The following USHBP1 variants were observed in gnomAD, a reference collection of about 807,000 sequenced individuals.
The protein encoded by USHBP1 is USH1 protein network component harmonin binding protein 1, also known as harmonin-binding protein USHBP1.
USHBP1 carries 67 observed loss-of-function variants against 76.2 expected under a neutral mutation model. That is an observed-to-expected ratio of 0.88 (90% CI 0.72 to 1.08). The LOEUF is 1.08. Among genes scored for constraint, USHBP1 ranks in the 50% least tolerant of loss-of-function variants. The probability of loss-of-function intolerance (pLI) is 0.00; values close to 1 mark genes in which losing one functional copy is unlikely to be tolerated. For synonymous variants in USHBP1, 322 were observed against 362.2 expected (o/e 0.89, Z 1.26); for missense variants, 931 against 915.0 (o/e 1.02, Z -0.23).
chr19:17,259,539 T>A, intron 6 of USHBP1, 57 bp downstream of exon 6: 2 of 1,603,260 alleles, frequency 1.2e-6, no homozygotes, highest in Non-Finnish European at 1.7e-6. Flanking sequence ...CCTGGCTTTA[T>A]AACTCAGTTG....
intron 10 of USHBP1, among the ~76,000 whole-genome samples, chr19:17,252,721 G>A (rs1172806608): frequency 1.3e-5 from 2 of 150,382 alleles, no homozygotes; most frequent in Non-Finnish European, 1.5e-5. Flanking sequence ...AGTAAGATAC[G>A]GTCTCAAAAA....
intron 8 of USHBP1, among the ~76,000 whole-genome samples, chr19:17,257,234 T>C (rs1056196689): frequency 2.7e-5 from 4 of 145,978 alleles, no homozygotes; most frequent in African/African-American, 1.0e-4. Context: ...GGTTTCACCG[T>C]GTTAGCCAGG....
chr19:17,263,955 A>C (rs762381007), intron 3 of USHBP1, 47 bp downstream of exon 3: 140 of 1,479,958 alleles, frequency 9.5e-5, no homozygotes, highest in Non-Finnish European at 1.2e-4. Context: ...TGGATGGCAA[A>C]GATGCGTCTG....
Position 17,251,392 on chromosome 19 carries a change from G to A in USHBP1, c.1922+190C>T, listed in dbSNP as rs1217387226. Among the ~76,000 whole-genome samples, 3 of 152,146 alleles carry A rather than the reference G, an allele frequency of 2.0e-5. No individual in the cohort carries two copies. In the East Asian group the frequency reaches 5.8e-4, roughly 29 times the overall value. On this transcript the variant is annotated intron_variant, in intron 12 of 12. Transcript: ENST00000252597. ...TTGGCCAGGCTGGTCTCAAACTCCT[G>A]ACCTCAAGTGATCTGCTGGCCTCAG...
In USHBP1 at chr19:17,251,614, G is replaced by T. The variant is rs115398865; in HGVS notation, c.1890C>A (p.Ala630=). Residue 630 remains alanine (A), a synonymous_variant, in exon 12 of 13, where the codon GCC becomes GCA. Transcript: ENST00000252597. ...CTTTGCATAAATCCCTGTTCAGCTC[G>T]GCACTCTGAGACCGTCTGGCTCGCC... ...QKGRARRSQS[A]ELNRDLCKAH... 1 of 1,613,970 alleles carries T rather than the reference G, an allele frequency of 6.2e-7. No homozygotes were observed. Among genetic ancestry groups the T allele is most frequent in the East Asian group, 2.2e-5 (1 of 44,872 alleles).
At position 17,250,339 on chromosome 19, in the gene USHBP1, T is replaced by G. The variant is rs761379243; in HGVS notation, c.1998A>C (p.Ala666=). ...EQRRKLEQQM[A]LMEAQQAEEV... Reference sequence around the variant, plus strand: ...CCTCGGCCTGCTGAGCCTCCATGAGTGCCATCTGCTGCTCCAACTTCCGGC... The same window carrying G: ...CCTCGGCCTGCTGAGCCTCCATGAGGGCCATCTGCTGCTCCAACTTCCGGC... The change falls in exon 13 of 13, where the codon GCA becomes GCC. Residue 666 remains alanine, a synonymous_variant. Coordinates refer to ENST00000252597, the MANE Select transcript of USHBP1 (RefSeq NM_031941.4). The G allele has an allele frequency of 6.2e-7, 1 of 1,613,692 alleles. No individual in the cohort carries two copies. The highest frequency in any genetic ancestry group is 8.5e-7 in the Non-Finnish European group (1 of 1,179,930).
intron 12 of USHBP1, 118 bp downstream of exon 12, chr19:17,251,464 G>A (rs547091860): frequency 1.8e-5 from 25 of 1,398,628 alleles, no homozygotes; most frequent in South Asian, 8.6e-5. Flanking sequence ...ACACCTGACC[G>A]TTACTGCCTA....
intron 11 of USHBP1, 60 bp downstream of exon 11, chr19:17,251,850 CG>C (rs34821183): frequency 3.3e-6 from 5 of 1,515,478 alleles, no homozygotes; most frequent in Non-Finnish European, 1.8e-6. Context: ...ACGACACCCC[CG>C]GGGGCTCTCA....
At chr19:17,252,876 G>C (rs1354613015) in intron 10 of USHBP1, among the ~76,000 whole-genome samples, 2 of 151,204 alleles carry the variant, frequency 1.3e-5, no homozygotes, top group Non-Finnish European at 2.9e-5. Context: ...AACACAGTGA[G>C]ACTCTGTCTC....
intron 11 of USHBP1, 55 bp downstream of exon 11, chr19:17,251,856 C>A: frequency 4.6e-6 from 7 of 1,514,006 alleles, no homozygotes; most frequent in Non-Finnish European, 6.2e-6. Flanking sequence ...CCCCCGGGGG[C>A]TCTCACATAG....
Position 17,264,227 on chromosome 19 carries a change from G to A in USHBP1, c.54+19C>T, listed in dbSNP as rs534780475. On this transcript the variant is annotated intron_variant, in intron 2 of 12. Coordinates refer to ENST00000252597, the MANE Select transcript of USHBP1 (RefSeq NM_031941.4). ...GGGTCCCCAGGATCTGGGTGTGGAG[G>A]GGAGAGGGTGACACTTACGGGTGGA... 6 of 1,613,810 alleles carry A rather than the reference G, an allele frequency of 3.7e-6. No homozygotes were observed. The highest frequency in any genetic ancestry group is 3.3e-5 in the South Asian group (3 of 90,988).
intron 3 of USHBP1, chr19:17,263,715 T>G: frequency 3.0e-6 from 1 of 331,496 alleles, no homozygotes; most frequent in East Asian, 5.1e-5. Flanking sequence ...TCACTAAAAA[T>G]GCAAAACTTA....
At chr19:17,264,532 A>G in intron 1 of USHBP1, 139 bp downstream of exon 1, 2 of 547,860 alleles carry the variant, frequency 3.7e-6, no homozygotes, top group Non-Finnish European at 6.4e-6. Context: ...GGTTGTCCTG[A>G]TCTCCCCCTT....
At chr19:17,255,681 A>T in intron 9 of USHBP1, 75 bp from the exon 10 acceptor site, 1 of 1,445,252 alleles carries the variant, frequency 6.9e-7, no homozygotes, top group Middle Eastern at 2.5e-4. Flanking sequence ...CCCAAGAGGC[A>T]CCCACTGAGG....
chr19:17,251,734 C>T (rs1459706250), intron 11 of USHBP1, 30 bp from the exon 12 acceptor site: 4 of 1,609,002 alleles, frequency 2.5e-6, no homozygotes, highest in East Asian at 2.2e-5. Context: ...AGGGGGCTCA[C>T]AGCCCCAGCC....
chr19:17,255,408 C>A lies in USHBP1; in HGVS notation c.1669G>T (p.Gly557Trp), dbSNP rs761598645. The A allele has an allele frequency of 3.1e-6, 5 of 1,613,982 alleles. No individual in the cohort carries two copies. The highest frequency in any genetic ancestry group is 3.3e-5 in the Admixed American group (2 of 60,000). ...GGHSSGGGSSGDEEEWYQGLP... is the reference protein window; with the variant it reads ...GGHSSGGGSSWDEEEWYQGLP... ...ACCTGATACCACTCTTCCTCGTCCC[C>A]GCTGCTGCCACCTCCGCTGCTATGT... The change falls in exon 10 of 13, where the codon GGG (glycine) becomes TGG (tryptophan). Residue 557 changes from glycine (G) to tryptophan (W), a missense_variant. Physicochemically the swap from Gly to Trp is radical, Grantham distance 184. Transcript: ENST00000252597.
intron 10 of USHBP1, among the ~76,000 whole-genome samples, chr19:17,254,631 G>A (rs1258846363): frequency 6.6e-6 from 1 of 151,660 alleles, no homozygotes. Flanking sequence ...ACTCCAGCCT[G>A]GGCAACAAGA....
At chr19:17,260,149 C>A in intron 4 of USHBP1, 127 bp from the exon 5 acceptor site, 1 of 1,271,134 alleles carries the variant, frequency 7.9e-7, no homozygotes, top group Non-Finnish European at 1.0e-6. Flanking sequence ...GGATACTTAG[C>A]CTGCCAAAAA....
chr19:17,250,120 GTGCCCCAACA>G lies in USHBP1; in HGVS notation c.*95_*104del. On this transcript the variant is annotated 3_prime_UTR_variant, in exon 13 of 13. Transcript: ENST00000252597. ...TGCACCAGCTTCCCTCACGCCAAAT[GTGCCCCAACA>G]TGCCAAATCATGCAACATGACATGA... 1 of 1,360,582 alleles carries G rather than the reference GTGCCCCAACA, an allele frequency of 7.3e-7. No individual in the cohort carries two copies. The highest frequency in any genetic ancestry group is 9.9e-7 in the Non-Finnish European group (1 of 1,008,574). 84.3% of individuals were successfully genotyped at this position (1,360,582 alleles called of 1,614,324 possible).
Sources: allele counts gnomAD v4.1 joint callset (sites outside exome capture counted in the v4.1 genomes callset), GRCh38; gene constraint gnomAD v4.1.1; transcripts MANE v1.5; gene names NCBI Gene and HGNC (gene_info 2026-07-23, HGNC 2026-07-21).